PMS2: variants seen among roughly 807,000 people sequenced by gnomAD.
PMS2 encodes PMS1 homolog 2, mismatch repair system component, also known as mismatch repair endonuclease PMS2.
A neutral mutation model predicts 90.0 loss-of-function variants in PMS2; 69 were observed. The ratio of observed to expected loss-of-function variants is 0.77; its 90% CI spans 0.63 to 0.94. The LOEUF is 0.94. Ranked by LOEUF, PMS2 falls within the 40% of genes least tolerant of loss-of-function variation. PMS2 has a pLI of 0.00. For missense variants in PMS2, 966 were observed against 1,040.2 expected, an observed-to-expected ratio of 0.93 and a Z score of 0.98; for synonymous variants, 332 against 375.1, an observed-to-expected ratio of 0.89 and a Z score of 1.33.
chr7:5,993,948 GT>G (rs1289899111), intron 8 of PMS2, among the ~76,000 whole-genome samples: 3 of 146,948 alleles, frequency 2.0e-5, no homozygotes, highest in African/African-American at 7.5e-5. Context: ...GTTATAAAAT[GT>G]TTAGTTTCTT....
At position 5,989,891 on chromosome 7, in the gene PMS2, C is replaced by A. The variant is rs1060503145; in HGVS notation, c.1053G>T (p.Leu351Phe). 2 of 1,612,390 alleles carry A rather than the reference C, an allele frequency of 1.2e-6. No individual in the cohort carries two copies. The highest frequency in any genetic ancestry group is 1.7e-6 in the Non-Finnish European group (2 of 1,178,764). The change falls in exon 10 of 15, where the codon TTG becomes TTT. Residue 351 changes from leucine to phenylalanine, a missense_variant. Leu to Phe is a conservative substitution (Grantham distance 22, BLOSUM62 0). Transcript: ENST00000265849. ...RQILLQEEKL[L>F]LAVLKTSLIG... ...TCAAAGAGGTCTTTAAAACTGCCAA[C>A]AAAAGCTTTTCCTCTTGTAGCAAAA...
intron 9 of PMS2, among the ~76,000 whole-genome samples, chr7:5,990,248 T>C (rs1783587886): frequency 6.6e-6 from 1 of 152,218 alleles, no homozygotes; most frequent in Non-Finnish European, 1.5e-5. Flanking sequence ...CCTCAAGTGA[T>C]CCACCCGCCT....
At chr7:5,990,717 T>A (rs2128751304) in intron 9 of PMS2, among the ~76,000 whole-genome samples, 1 of 152,172 alleles carries the variant, frequency 6.6e-6, no homozygotes, top group South Asian at 2.1e-4. Flanking sequence ...ATATTCAGAA[T>A]AATTAAAGAT....
chr7:5,993,862 C>CAAAA (rs61677497), intron 8 of PMS2, among the ~76,000 whole-genome samples: 904 of 38,712 alleles, frequency 0.023, 47 homozygotes, highest in South Asian at 0.032. Context: ...GACTCTGTCT[C>CAAAA]AAAAAAAAAA....
intron 14 of PMS2, among the ~76,000 whole-genome samples, chr7:5,976,039 C>G (rs1054532153): frequency 6.9e-6 from 1 of 144,648 alleles, no homozygotes. Context: ...AGGAGATCAA[C>G]ACCAGCCTGA....
At chr7:6,006,303 T>C (rs12702465) in intron 1 of PMS2, among the ~76,000 whole-genome samples, 23,452 of 150,640 alleles carry the variant, frequency 0.16, 1,981 homozygotes, top group African/African-American at 0.21. Context: ...AAAACATACA[T>C]TGTATCTCTC....
At position 5,986,869 on chromosome 7, in the gene PMS2, T is replaced by C; in HGVS notation, c.1896A>G (p.Leu632=). Residue 632 remains leucine (L), a synonymous_variant, in exon 11 of 15, where the codon TTA becomes TTG. Coordinates refer to ENST00000265849, the MANE Select transcript of PMS2 (RefSeq NM_000535.7). ...MSSLAKRIKQ[L]HHEAQQSEGE... is the part of the protein sequence containing the mutation. The stretch of plus-strand genomic sequence containing the variant: ...CTTCACTTTGCTGTGCTTCATGATG[T>C]AACTGCTTTATTCGTTTAGCTAAAG... 1 of 1,614,134 alleles carries C rather than the reference T, an allele frequency of 6.2e-7. No individual in the cohort carries two copies. Among genetic ancestry groups the C allele is most frequent in the Non-Finnish European group, 8.5e-7 (1 of 1,179,996 alleles).
At position 5,987,395 on chromosome 7, in the gene PMS2, C is replaced by G. The variant is rs2128732209; in HGVS notation, c.1370G>C (p.Ser457Thr). Reference sequence around the variant, plus strand: ...TTTGTCAGAGATGGCACCTGAAGTGCTAGAAGACAGCATACCCCTTTTCTG... The same window carrying G: ...TTTGTCAGAGATGGCACCTGAAGTGGTAGAAGACAGCATACCCCTTTTCTG... The part of the protein sequence containing the change: ...LGQKRGMLSS[S>T]TSGAISDKGV... Residue 457 changes from serine to threonine, a missense_variant, in exon 11 of 15, where the codon AGC becomes ACC. Ser to Thr is a moderately conservative substitution (Grantham distance 58, BLOSUM62 1). Coordinates refer to ENST00000265849, the MANE Select transcript of PMS2 (RefSeq NM_000535.7). 1 of 1,614,164 alleles carries G rather than the reference C, an allele frequency of 6.2e-7. No individual in the cohort carries two copies. Among genetic ancestry groups the G allele is most frequent in the Non-Finnish European group, 8.5e-7 (1 of 1,180,026 alleles).
At chr7:5,993,386 A>AG (rs1357656748) in intron 8 of PMS2, among the ~76,000 whole-genome samples, 13 of 120,680 alleles carry the variant, frequency 1.1e-4, no homozygotes, top group Non-Finnish European at 2.2e-4. Flanking sequence ...AAAAAAAAAA[A>AG]AAAAGAAAGA....
chr7:6,001,759 A>C (rs1785110631), intron 5 of PMS2, among the ~76,000 whole-genome samples: 2 of 151,924 alleles, frequency 1.3e-5, no homozygotes, highest in Admixed American at 1.3e-4. Flanking sequence ...CAAGGTGGGC[A>C]GATCACCTGA....
intron 11 of PMS2, among the ~76,000 whole-genome samples, chr7:5,986,490 G>A (rs147939801): frequency 0.026 from 3,786 of 147,534 alleles, 88 homozygotes; most frequent in Middle Eastern, 0.13. Flanking sequence ...TCAGGAGTTC[G>A]AGACCAGCCC....
At chr7:5,996,898 C>A (rs930670481) in intron 7 of PMS2, among the ~76,000 whole-genome samples, 1 of 152,028 alleles carries the variant, frequency 6.6e-6, no homozygotes. Context: ...GCATTGCTCA[C>A]AGTTTTATAA....
intron 6 of PMS2, 53 bp downstream of exon 6, chr7:5,999,055 C>A (rs2128798303): frequency 2.0e-6 from 3 of 1,537,106 alleles, no homozygotes; most frequent in Non-Finnish European, 2.7e-6. Context: ...CAATGGAAAC[C>A]CGCTATAATC....
intron 12 of PMS2, 122 bp from the exon 13 acceptor site, chr7:5,978,818 A>G (rs1782007333): frequency 2.5e-6 from 3 of 1,203,586 alleles, no homozygotes; most frequent in Admixed American, 2.0e-5. Flanking sequence ...AACACAAATA[A>G]CAACACTACT....
chr7:6,000,377 T>TAAAA (rs67186373), intron 5 of PMS2, among the ~76,000 whole-genome samples: 2 of 122,820 alleles, frequency 1.6e-5, no homozygotes, highest in Non-Finnish European at 3.3e-5. Context: ...CTGTCTCAAT[T>TAAAA]AAAAAAAAAA....
intron 10 of PMS2, among the ~76,000 whole-genome samples, chr7:5,989,585 T>A (rs1783483785): frequency 6.6e-6 from 1 of 151,862 alleles, no homozygotes; most frequent in Admixed American, 6.6e-5. Flanking sequence ...GAAGATGGCC[T>A]GAGCCCAGGA....
chr7:5,991,817 T>C (rs1472993031), intron 9 of PMS2, among the ~76,000 whole-genome samples, 156 bp downstream of exon 9: 2 of 151,930 alleles, frequency 1.3e-5, no homozygotes, highest in East Asian at 1.9e-4. Context: ...CCAGCCTGGG[T>C]GACAGAGCAA....
At chr7:6,004,693 C>T (rs147613744) in intron 2 of PMS2, among the ~76,000 whole-genome samples, 3,461 of 127,100 alleles carry the variant, frequency 0.027, 122 homozygotes, top group African/African-American at 0.094. Flanking sequence ...ATAGCCTGGG[C>T]AACAAGAGCA....
intron 3 of PMS2, 56 bp from the exon 4 acceptor site, chr7:6,003,848 T>C: frequency 7.8e-7 from 1 of 1,284,004 alleles, no homozygotes; most frequent in Non-Finnish European, 1.1e-6. Context: ...AACAACAAAA[T>C]ATACATGATA....
Sources: allele counts gnomAD v4.1 joint callset (sites outside exome capture counted in the v4.1 genomes callset), GRCh38; gene constraint gnomAD v4.1.1; transcripts MANE v1.5; gene names NCBI Gene and HGNC (gene_info 2026-07-23, HGNC 2026-07-21).